The following NPFFR1 variants were observed in gnomAD, a reference collection of about 807,000 sequenced individuals.
The protein encoded by NPFFR1 is neuropeptide FF receptor 1.
NPFFR1 carries 17 observed loss-of-function variants against 12.7 expected under a neutral mutation model. The ratio of observed to expected loss-of-function variants is 1.34; its 90% CI spans 0.92 to 2.01. NPFFR1 has a LOEUF of 2.01. Among genes scored for constraint, NPFFR1 ranks in the 30% most tolerant of loss-of-function variants. NPFFR1 has a pLI of 0.00. For synonymous variants in NPFFR1, 296 were observed against 264.5 expected (o/e 1.12, Z -1.16); for missense variants, 604 against 606.5 (o/e 1.00, Z 0.04).
At position 70,254,768 on chromosome 10, in the gene NPFFR1, C is replaced by T; in HGVS notation, c.*189G>A. Reference sequence around the variant, plus strand: ...ACAGGGCAAGTTGGTTCCTTCCCGTCCCCCGCATTTGCCTCTACTGAGGGT... The same window carrying T: ...ACAGGGCAAGTTGGTTCCTTCCCGTTCCCCGCATTTGCCTCTACTGAGGGT... On this transcript the variant is annotated 3_prime_UTR_variant, in exon 4 of 4. Coordinates refer to ENST00000277942, the MANE Select transcript of NPFFR1 (RefSeq NM_022146.5). The T allele has an allele frequency of 1.7e-6, 1 of 585,538 alleles. No individual in the cohort carries two copies. Among genetic ancestry groups the T allele is most frequent in the Non-Finnish European group, 2.6e-6 (1 of 387,990 alleles). 36.3% of individuals were successfully genotyped at this position (585,538 alleles called of 1,614,324 possible). A position where few individuals can be genotyped will look rare whatever the true frequency, so the allele number is the denominator to read the frequency against.
chr10:70,278,647 C>A (rs1430048682), intron 1 of NPFFR1, among the ~76,000 whole-genome samples: 1 of 152,206 alleles, frequency 6.6e-6, no homozygotes. Flanking sequence ...CCTCCAGTAT[C>A]CCTCCTACGT....
chr10:70,280,870 C>T (rs1023575383), intron 1 of NPFFR1, among the ~76,000 whole-genome samples: 3 of 152,048 alleles, frequency 2.0e-5, no homozygotes, highest in African/African-American at 7.2e-5. Context: ...GGCATGATGG[C>T]ACATGCCTGT....
At position 70,266,346 on chromosome 10, in the gene NPFFR1, T is replaced by C; in HGVS notation, c.53A>G (p.Asn18Ser). 6.2e-7 allele frequency: 1 copy of C among 1,613,660 alleles called. No homozygotes were observed. The highest frequency in any genetic ancestry group is 8.5e-7 in the Non-Finnish European group (1 of 1,179,798). The change falls in exon 2 of 4, where the codon AAT becomes AGT. Residue 18 changes from asparagine to serine, a missense_variant. By Grantham distance (46) the Asn-to-Ser change is conservative. Transcript: ENST00000277942. Reference sequence around the variant, plus strand: ...CGGGGTGGCCTCAGTGTTAGTCCCATTCTGACTTAGGGGCCAACTGCTGTT... The same window carrying C: ...CGGGGTGGCCTCAGTGTTAGTCCCACTCTGACTTAGGGGCCAACTGCTGTT... ...PPNSSWPLSQ[N>S]GTNTEATPAT...
At chr10:70,281,441 T>C (rs751885640) in intron 1 of NPFFR1, among the ~76,000 whole-genome samples, 24 of 151,992 alleles carry the variant, frequency 1.6e-4, no homozygotes, top group Admixed American at 9.2e-4. Context: ...TTCATCTCAC[T>C]CTCCTCATTC....
chr10:70,268,056 G>A (rs2136802373), intron 1 of NPFFR1, among the ~76,000 whole-genome samples: 1 of 152,244 alleles, frequency 6.6e-6, no homozygotes, highest in South Asian at 2.1e-4. Context: ...ACATATACAA[G>A]AGTATAAAGT....
intron 1 of NPFFR1, among the ~76,000 whole-genome samples, chr10:70,267,205 G>A (rs1030907156): frequency 1.3e-5 from 2 of 152,152 alleles, no homozygotes; most frequent in African/African-American, 4.8e-5. Flanking sequence ...AGAATGAAGG[G>A]GAACTGTGAA....
chr10:70,280,461 T>C (rs1044209839), intron 1 of NPFFR1, among the ~76,000 whole-genome samples: 6 of 152,354 alleles, frequency 3.9e-5, no homozygotes, highest in Admixed American at 2.6e-4. Context: ...CGGTTTTAAC[T>C]TGCATTTTCC....
intron 1 of NPFFR1, among the ~76,000 whole-genome samples, chr10:70,274,539 T>C (rs149100346): frequency 4.1e-4 from 63 of 152,258 alleles, no homozygotes; most frequent in African/African-American, 1.5e-3. Flanking sequence ...GCTGCTTTAG[T>C]ACAATTTTTA....
At chr10:70,280,236 G>C (rs1455419730) in intron 1 of NPFFR1, among the ~76,000 whole-genome samples, 1 of 152,188 alleles carries the variant, frequency 6.6e-6, no homozygotes, top group Non-Finnish European at 1.5e-5. Context: ...TTTGGGGTAA[G>C]TACCCAGAAA....
chr10:70,276,535 A>T (rs1350049033), intron 1 of NPFFR1, among the ~76,000 whole-genome samples: 1 of 152,158 alleles, frequency 6.6e-6, no homozygotes, highest in Non-Finnish European at 1.5e-5. Context: ...AGAGAGCTAC[A>T]AAAAGCTTTT....
At chr10:70,262,334 A>G (rs147079801) in intron 2 of NPFFR1, among the ~76,000 whole-genome samples, 5 of 152,350 alleles carry the variant, frequency 3.3e-5, no homozygotes, top group Non-Finnish European at 7.3e-5. Context: ...ATTGAATAAT[A>G]TTTACACTGA....
chr10:70,281,654 A>G (rs1010289148), intron 1 of NPFFR1, among the ~76,000 whole-genome samples: 1 of 152,204 alleles, frequency 6.6e-6, no homozygotes, highest in Non-Finnish European at 1.5e-5. Flanking sequence ...TGCATTCAAA[A>G]ACCTGTTTTT....
intron 1 of NPFFR1, among the ~76,000 whole-genome samples, chr10:70,273,929 T>C (rs1840775083): frequency 6.6e-6 from 1 of 151,934 alleles, no homozygotes; most frequent in Middle Eastern, 3.2e-3. Flanking sequence ...TCAGAGAAAG[T>C]GTTAGAGATG....
rs1840483800 is a variant in NPFFR1 at position 70,249,124 on chromosome 10, C to G, written c.*5833G>C. The stretch of plus-strand genomic sequence containing the variant: ...ATGGATTTAAAAATCATTGGTGGAG[C>G]ATGGTGGCTCGCGCCTGTAATCCCA... On this transcript the variant is annotated 3_prime_UTR_variant, in exon 4 of 4. Transcript: ENST00000277942. 6.6e-6 allele frequency: 1 copy of G among 152,182 alleles called. No homozygotes were observed. The highest frequency in any genetic ancestry group is 2.1e-4 in the South Asian group (1 of 4,834). The allele number at this position is 152,182 out of a possible 1,614,324, so 9.4% of individuals were successfully genotyped here.
At chr10:70,280,649 T>A (rs1328435849) in intron 1 of NPFFR1, among the ~76,000 whole-genome samples, 1 of 152,228 alleles carries the variant, frequency 6.6e-6, no homozygotes. Context: ...AGGCTCCTAA[T>A]GAACAATACA....
At chr10:70,271,689 CAT>C (rs1356410110) in intron 1 of NPFFR1, among the ~76,000 whole-genome samples, 1 of 152,092 alleles carries the variant, frequency 6.6e-6, no homozygotes, top group African/African-American at 2.4e-5. Flanking sequence ...GATGAGACGA[CAT>C]GTGAGAACTA....
intron 2 of NPFFR1, 74 bp from the exon 3 acceptor site, chr10:70,260,813 C>T (rs149228459): frequency 1.6e-6 from 2 of 1,284,530 alleles, no homozygotes. Flanking sequence ...GCCCTCCAAG[C>T]CAGGTCCCCT....
At position 70,258,530 on chromosome 10, in the gene NPFFR1, C is replaced by G. The variant is rs539593485; in HGVS notation, c.422+2110G>C. On this transcript the variant is annotated intron_variant, in intron 3 of 3. Coordinates refer to ENST00000277942, the MANE Select transcript of NPFFR1 (RefSeq NM_022146.5). The stretch of plus-strand genomic sequence containing the variant: ...GAAGTTACTCAAAATACTTTCTGAG[C>G]CTTAGTTTCCTCATCTGTAAAATGA... Among the ~76,000 whole-genome samples, 174 of 152,294 alleles carry G rather than the reference C, an allele frequency of 1.1e-3. 2 individuals are homozygous for G. Among genetic ancestry groups the G allele is most frequent in the Non-Finnish European group, 3.1e-4 (21 of 68,030 alleles).
At position 70,255,852 on chromosome 10, in the gene NPFFR1, G is replaced by C. The variant is rs368574244; in HGVS notation, c.423-25C>G. On this transcript the variant is annotated intron_variant, in intron 3 of 3. Coordinates refer to ENST00000277942, the MANE Select transcript of NPFFR1 (RefSeq NM_022146.5). This position sits in a 1 kb window ranked among gnomAD's most constrained non-coding sequence, Gnocchi z 4.2. ...CCTGCCGCGGGGAGAGAGACAGGCG[G>C]GATCTGGGTGGGTCCTAGGGCCCCT... 7.6e-6 allele frequency: 12 copies of C among 1,586,210 alleles called. No individual in the cohort carries two copies. The highest frequency in any genetic ancestry group is 9.4e-6 in the Non-Finnish European group (11 of 1,166,370).
Sources: gnomAD v4.1 joint callset for allele counts (sites outside exome capture counted in the v4.1 genomes callset) on GRCh38, gnomAD v4.1.1 for gene constraint, Gnocchi (gnomAD v3.1) non-coding constraint, MANE v1.5 for transcripts, NCBI Gene and HGNC (gene_info 2026-07-23, HGNC 2026-07-21) for gene names.